PDS5A: variants seen among roughly 807,000 people sequenced by gnomAD.
PDS5A encodes the protein PDS5 cohesin associated factor A.
A neutral mutation model predicts 167.1 loss-of-function variants in PDS5A; 42 were observed. The ratio of observed to expected loss-of-function variants is 0.25; its 90% CI spans 0.20 to 0.33. The LOEUF (loss-of-function observed/expected upper bound fraction) is 0.33, where lower values mean the gene tolerates loss of function less well. Among genes scored for constraint, PDS5A ranks in the 10% least tolerant of loss-of-function variants. The pLI is 1.00. For missense variants in PDS5A, 1,033 were observed against 1,605.9 expected (o/e 0.64, Z 6.10); for synonymous variants, 553 against 554.6 (o/e 1.00, Z 0.04).
rs867466698 is a variant in PDS5A at position 39,831,693 on chromosome 4, C to T, written c.4010+6163G>A. On this transcript the variant is annotated intron_variant, in intron 32 of 32. Transcript: ENST00000303538. ...GGGAGTTCAAGACCAGCCTGACCAA[C>T]GTGGAGAAACCCTGTCTCTACTAAA... is the stretch of plus-strand genomic sequence containing the variant. Among the ~76,000 whole-genome samples the T allele has an allele frequency of 8.6e-5, 13 of 151,146 alleles. No individual in the cohort carries two copies. In the South Asian group the frequency reaches 1.0e-3, roughly 12 times the overall value.
At chr4:39,944,608 C>T (rs752034648) in intron 2 of PDS5A, among the ~76,000 whole-genome samples, 6 of 150,104 alleles carry the variant, frequency 4.0e-5, no homozygotes, top group Non-Finnish European at 7.4e-5. Flanking sequence ...GTAGGAGAAT[C>T]GCTTGAACCT....
In PDS5A at chr4:39,837,885, T is replaced by C; in HGVS notation, c.3981A>G (p.Ala1327=). Reference sequence around the variant, plus strand: ...GTAAGTCAATTTGTCTTTCTGCTGGTGCTGCCTTTTTGGCTAAATCTTGCA... The same window carrying C: ...GTAAGTCAATTTGTCTTTCTGCTGGCGCTGCCTTTTTGGCTAAATCTTGCA... ...PKLQDLAKKA[A]PAERQIDLQR The change falls in exon 32 of 33, where the codon GCA becomes GCG. Residue 1327 remains alanine (A), a synonymous_variant. Coordinates refer to ENST00000303538, the MANE Select transcript of PDS5A (RefSeq NM_001100399.2). 6.2e-7 allele frequency: 1 copy of C among 1,612,180 alleles called. No homozygotes were observed. The highest frequency in any genetic ancestry group is 1.7e-5 in the Admixed American group (1 of 59,568).
At chr4:39,883,749 G>A (rs1721165650) in intron 17 of PDS5A, among the ~76,000 whole-genome samples, 1 of 151,982 alleles carries the variant, frequency 6.6e-6, no homozygotes, top group Non-Finnish European at 1.5e-5. Flanking sequence ...TTCCACCTCA[G>A]CCTCCCACAT....
chr4:39,916,511 C>G (rs373694345), intron 8 of PDS5A, among the ~76,000 whole-genome samples: 12 of 152,012 alleles, frequency 7.9e-5, no homozygotes, highest in East Asian at 5.8e-4. Context: ...AAGATAATAC[C>G]ATTTTTCCTA....
chr4:39,949,548 G>A (rs945426367), intron 2 of PDS5A, among the ~76,000 whole-genome samples: 1 of 151,766 alleles, frequency 6.6e-6, no homozygotes, highest in Non-Finnish European at 1.5e-5. Context: ...AACTGACTAC[G>A]AGCTGGTCAA....
At chr4:39,830,433 T>C (rs1715755728) in intron 32 of PDS5A, among the ~76,000 whole-genome samples, 1 of 152,204 alleles carries the variant, frequency 6.6e-6, no homozygotes, top group African/African-American at 2.4e-5. Flanking sequence ...TTGTTAATTT[T>C]CATTTTTTTG....
intron 17 of PDS5A, among the ~76,000 whole-genome samples, chr4:39,884,922 A>G (rs934197462): frequency 6.6e-6 from 1 of 152,036 alleles, no homozygotes; most frequent in African/African-American, 2.4e-5. Flanking sequence ...TATAGGGGGG[A>G]AATTGATTAT....
intron 17 of PDS5A, among the ~76,000 whole-genome samples, chr4:39,889,748 G>A (rs1287216894): frequency 6.6e-6 from 1 of 152,158 alleles, no homozygotes; most frequent in Non-Finnish European, 1.5e-5. Flanking sequence ...CCATATTAAA[G>A]TTGAAAATAA....
chr4:39,837,078 C>A, intron 32 of PDS5A: 1 of 150,478 alleles, frequency 6.6e-6, no homozygotes, highest in Non-Finnish European at 1.5e-5. Flanking sequence ...GTGATCCACC[C>A]ACCTAGGCCT....
At position 39,902,385 on chromosome 4, in the gene PDS5A, T is replaced by C. The variant is rs1450637536; in HGVS notation, c.1461A>G (p.Leu487=). 8 of 1,586,246 alleles carry C rather than the reference T, an allele frequency of 5.0e-6. No individual in the cohort carries two copies. Among genetic ancestry groups the C allele is most frequent in the African/African-American group, 1.3e-5 (1 of 74,172 alleles). The part of the protein sequence containing the change: ...NLETEERMKC[L]YYLYASLDPN... ...GATCCAAACTAGCATATAAGTAATA[T>C]AAGCATTTCATTCTCTCTTCTGTTT... The change falls in exon 13 of 33, where the codon TTA becomes TTG. Residue 487 remains leucine, a synonymous_variant. Coordinates refer to ENST00000303538, the MANE Select transcript of PDS5A (RefSeq NM_001100399.2).
chr4:39,929,894 T>G (rs1399446760), intron 2 of PDS5A, among the ~76,000 whole-genome samples: 1 of 148,378 alleles, frequency 6.7e-6, no homozygotes, highest in African/African-American at 2.5e-5. Flanking sequence ...TACAAGCATG[T>G]GTCACTATAC....
intron 26 of PDS5A, among the ~76,000 whole-genome samples, chr4:39,853,695 T>C (rs1397649281): frequency 6.6e-6 from 1 of 152,238 alleles, no homozygotes; most frequent in Non-Finnish European, 1.5e-5. Context: ...CATCGTTTCT[T>C]TTACCTACAA....
chr4:39,872,202 G>A (rs111500685), intron 21 of PDS5A, among the ~76,000 whole-genome samples: 44 of 123,038 alleles, frequency 3.6e-4, no homozygotes, highest in African/African-American at 1.3e-3. Flanking sequence ...TTGAGACAGA[G>A]TTTCGCTCTT....
In PDS5A at chr4:39,916,205, CAACA is replaced by C. The variant is rs1314414626; in HGVS notation, c.876+839_876+842del. Among the ~76,000 whole-genome samples the C allele has an allele frequency of 1.1e-3, 45 of 42,624 alleles. No individual in the cohort carries two copies. In the East Asian group the frequency reaches 0.035, roughly 33 times the overall value. 28.0% of individuals were successfully genotyped at this position (42,624 alleles called of 152,430 possible). ...AGACTCCGTCTCAAAAAAACAACAA[CAACA>C]AAAAAAGAGACTGAGACAAGAGGAT... On this transcript the variant is annotated intron_variant, in intron 8 of 32. Transcript: ENST00000303538.
At chr4:39,867,923 G>C (rs1578636466) in intron 22 of PDS5A, among the ~76,000 whole-genome samples, 1 of 152,028 alleles carries the variant, frequency 6.6e-6, no homozygotes, top group Admixed American at 6.6e-5. Context: ...GTAATTATTG[G>C]TAGTCATAAT....
chr4:39,857,862 G>A (rs1350023427), intron 26 of PDS5A, among the ~76,000 whole-genome samples: 2 of 152,054 alleles, frequency 1.3e-5, no homozygotes, highest in African/African-American at 4.8e-5. Context: ...TAGAGACAGA[G>A]TCTCACTATG....
chr4:39,955,032 A>T (rs996631477), intron 2 of PDS5A, among the ~76,000 whole-genome samples: 1 of 152,120 alleles, frequency 6.6e-6, no homozygotes, highest in Non-Finnish European at 1.5e-5. Context: ...TGACAGAGCG[A>T]GACCCTGTCA....
Position 39,846,237 on chromosome 4 carries a change from G to A in PDS5A, c.3340-357C>T, listed in dbSNP as rs148335730. ...GGGCCGGGTGTGGTGACTCATGCCT[G>A]TGAGCCTCATCCCAGCACTTTGGGA... On this transcript the variant is annotated intron_variant, in intron 28 of 32. Coordinates refer to ENST00000303538, the MANE Select transcript of PDS5A (RefSeq NM_001100399.2). The A allele has an allele frequency of 2.1e-3, 326 of 154,976 alleles. 1 individual carries two copies. The highest frequency in any genetic ancestry group is 3.6e-3 in the Non-Finnish European group (249 of 69,946). 9.6% of individuals were successfully genotyped at this position (154,976 alleles called of 1,614,324 possible). A position where few individuals can be genotyped will look rare whatever the true frequency, so the allele number is the denominator to read the frequency against.
At chr4:39,845,933 G>A (rs1254338319) in intron 28 of PDS5A, 53 bp from the exon 29 acceptor site, 1 of 1,237,834 alleles carries the variant, frequency 8.1e-7, no homozygotes, top group Non-Finnish European at 1.0e-6. Context: ...AAAGGAACAT[G>A]AGTATTTTAA....
Sources: allele counts gnomAD v4.1 joint callset (sites outside exome capture counted in the v4.1 genomes callset), GRCh38; gene constraint gnomAD v4.1.1; transcripts MANE v1.5; gene names NCBI Gene and HGNC (gene_info 2026-07-23, HGNC 2026-07-21).